TGFB2: variants seen among roughly 807,000 people sequenced by gnomAD.
The protein encoded by TGFB2 is transforming growth factor beta 2, also known as transforming growth factor beta-2 proprotein.
A neutral mutation model predicts 42.7 loss-of-function variants in TGFB2; 13 were observed. That is an observed-to-expected ratio of 0.30 (90% CI 0.20 to 0.48). TGFB2 has a LOEUF of 0.48. Among genes scored for constraint, TGFB2 ranks in the 20% least tolerant of loss-of-function variants. The pLI, the probability that TGFB2 is intolerant of heterozygous loss-of-function variation, is 0.99. For synonymous variants in TGFB2, 193 were observed against 193.6 expected, an observed-to-expected ratio of 1.00 and a Z score of 0.03; for missense variants, 390 against 517.5, an observed-to-expected ratio of 0.75 and a Z score of 2.39.
intron 2 of TGFB2, among the ~76,000 whole-genome samples, chr1:218,426,014 T>C (rs773852196): frequency 6.6e-6 from 1 of 152,232 alleles, no homozygotes; most frequent in Non-Finnish European, 1.5e-5. Context: ...TGAACACACT[T>C]AAAGATATTT....
chr1:218,376,502 C>A (rs190562617), intron 1 of TGFB2, among the ~76,000 whole-genome samples: 2 of 152,088 alleles, frequency 1.3e-5, no homozygotes, highest in Admixed American at 1.3e-4. Flanking sequence ...GGGATGAGTC[C>A]CTCTTGGAAG....
intron 1 of TGFB2, among the ~76,000 whole-genome samples, chr1:218,374,470 G>A (rs568446922): frequency 6.6e-6 from 1 of 152,192 alleles, no homozygotes; most frequent in Non-Finnish European, 1.5e-5. Context: ...TATGCTCCCA[G>A]TTTCTCCACG....
intron 1 of TGFB2, among the ~76,000 whole-genome samples, chr1:218,375,693 C>T (rs1414299712): frequency 6.6e-6 from 1 of 151,604 alleles, no homozygotes; most frequent in African/African-American, 2.4e-5. Context: ...TTTTTTCAGT[C>T]TAGAAAAGAA....
chr1:218,382,661 G>A (rs879168117), intron 1 of TGFB2, among the ~76,000 whole-genome samples: 1 of 151,980 alleles, frequency 6.6e-6, no homozygotes, highest in Non-Finnish European at 1.5e-5. Context: ...CTGGACATTT[G>A]GACACATAGG....
chr1:218,403,080 G>A (rs760386351), intron 1 of TGFB2, among the ~76,000 whole-genome samples: 2 of 152,216 alleles, frequency 1.3e-5, no homozygotes, highest in Non-Finnish European at 2.9e-5. Flanking sequence ...GCCTTTCTGC[G>A]TGCACCAGTG....
At chr1:218,397,141 G>A (rs1232032419) in intron 1 of TGFB2, among the ~76,000 whole-genome samples, 1 of 151,742 alleles carries the variant, frequency 6.6e-6, no homozygotes. Flanking sequence ...GGTGGCAGGC[G>A]CCTGTAATCC....
intron 1 of TGFB2, among the ~76,000 whole-genome samples, chr1:218,355,033 G>A (rs943055713): frequency 9.2e-5 from 14 of 152,180 alleles, no homozygotes; most frequent in African/African-American, 3.4e-4. Context: ...CTCCCAACTA[G>A]CTGGGATTAC....
intron 2 of TGFB2, among the ~76,000 whole-genome samples, chr1:218,429,328 G>T (rs920964017): frequency 6.6e-6 from 1 of 152,188 alleles, no homozygotes; most frequent in Admixed American, 6.5e-5. Flanking sequence ...AGTACCTTTT[G>T]TAAGTGGAAT....
intron 2 of TGFB2, 63 bp from the exon 3 acceptor site, chr1:218,434,019 T>G: frequency 1.3e-6 from 2 of 1,596,886 alleles, no homozygotes; most frequent in Non-Finnish European, 8.6e-7. Flanking sequence ...GTTAATAGTT[T>G]TGGTTTAGTC....
intron 2 of TGFB2, among the ~76,000 whole-genome samples, chr1:218,410,087 T>A (rs557980190): frequency 1.3e-5 from 2 of 152,344 alleles, no homozygotes; most frequent in African/African-American, 4.8e-5. Context: ...GCACAGATGT[T>A]GGTTTCAAAG....
chr1:218,375,546 T>C (rs1029213200), intron 1 of TGFB2, among the ~76,000 whole-genome samples: 1 of 152,196 alleles, frequency 6.6e-6, no homozygotes, highest in Non-Finnish European at 1.5e-5. Flanking sequence ...TTGTCATTCA[T>C]TCAATCAATC....
chr1:218,350,104 T>C (rs1406752087), intron 1 of TGFB2, among the ~76,000 whole-genome samples: 1 of 152,206 alleles, frequency 6.6e-6, no homozygotes, highest in Non-Finnish European at 1.5e-5. Flanking sequence ...TGCACAAGGT[T>C]TTAGAAACTT....
chr1:218,372,790 A>G (rs775166902), intron 1 of TGFB2, among the ~76,000 whole-genome samples: 1 of 152,186 alleles, frequency 6.6e-6, no homozygotes, highest in Non-Finnish European at 1.5e-5. Flanking sequence ...CCTGGGGAGC[A>G]CTTAACATAT....
intron 1 of TGFB2, 66 bp from the exon 2 acceptor site, chr1:218,405,103 G>C: frequency 6.7e-7 from 1 of 1,489,314 alleles, no homozygotes; most frequent in Non-Finnish European, 9.0e-7. Flanking sequence ...ATTATCTCAC[G>C]CTACAGTCTT....
At chr1:218,364,258 A>T (rs1281961439) in intron 1 of TGFB2, among the ~76,000 whole-genome samples, 1 of 152,186 alleles carries the variant, frequency 6.6e-6, no homozygotes, top group Non-Finnish European at 1.5e-5. Context: ...TGCTCAAACC[A>T]CTTAGCCCTG....
At chr1:218,421,984 G>A (rs1374834747) in intron 2 of TGFB2, among the ~76,000 whole-genome samples, 7 of 152,230 alleles carry the variant, frequency 4.6e-5, no homozygotes, top group South Asian at 4.1e-4. Context: ...AGCCAACACC[G>A]TGATTTCAGA....
chr1:218,364,328 A>C (rs1261270796), intron 1 of TGFB2, among the ~76,000 whole-genome samples: 1 of 152,218 alleles, frequency 6.6e-6, no homozygotes, highest in African/African-American at 2.4e-5. Flanking sequence ...TGAGGGGTAC[A>C]AAAGCCAGAA....
At chr1:218,401,462 T>G (rs369973617) in intron 1 of TGFB2, among the ~76,000 whole-genome samples, 1 of 152,070 alleles carries the variant, frequency 6.6e-6, no homozygotes, top group African/African-American at 2.4e-5. Flanking sequence ...GGAAGGCCCA[T>G]GAGAAAGCCT....
At chr1:218,377,465 A>G (rs1657779688) in intron 1 of TGFB2, among the ~76,000 whole-genome samples, 1 of 152,196 alleles carries the variant, frequency 6.6e-6, no homozygotes, top group African/African-American at 2.4e-5. Context: ...CTTTCAATAC[A>G]ACTGCAATCA....
Sources: allele counts gnomAD v4.1 joint callset (sites outside exome capture counted in the v4.1 genomes callset), GRCh38; gene constraint gnomAD v4.1.1; transcripts MANE v1.5; gene names NCBI Gene and HGNC (gene_info 2026-07-23, HGNC 2026-07-21).